The following NBAS variants were observed in gnomAD, a reference collection of about 807,000 sequenced individuals.
NBAS encodes the protein NBAS subunit of NRZ tethering complex.
In NBAS, 219 loss-of-function variants were observed where a neutral mutation model predicts 302.5. The observed-to-expected ratio is 0.72, with a 90% confidence interval of 0.65 to 0.81. NBAS has a LOEUF of 0.81. Among genes scored for constraint, NBAS ranks in the 30% least tolerant of loss-of-function variants. The pLI is 0.00. For missense variants in NBAS, 2,932 were observed against 2,841.6 expected, an observed-to-expected ratio of 1.03 and a Z score of -0.72; for synonymous variants, 1,118 against 1,021.6, an observed-to-expected ratio of 1.09 and a Z score of -1.80.
chr2:14,933,239 C>T, the NBAS span, among the ~76,000 whole-genome samples: 1 of 152,166 alleles, frequency 6.6e-6, no homozygotes, highest in African/African-American at 2.4e-5. Context: ...ATTCACCTTT[C>T]TTTTCCTAAT....
chr2:15,439,931 C>G (rs949445856), intron 21 of NBAS, among the ~76,000 whole-genome samples: 2 of 152,256 alleles, frequency 1.3e-5, no homozygotes, highest in Non-Finnish European at 1.5e-5. Flanking sequence ...GATCAAACCG[C>G]AAGGCGGCAG....
chr2:15,277,888 G>A (rs1669657082), intron 42 of NBAS, among the ~76,000 whole-genome samples: 1 of 152,154 alleles, frequency 6.6e-6, no homozygotes, highest in South Asian at 2.1e-4. Context: ...GACAGAGCCT[G>A]TGGTCTAGTG....
chr2:15,352,117 C>T (rs755729749), intron 34 of NBAS, 36 bp from the exon 35 acceptor site: 18 of 1,472,504 alleles, frequency 1.2e-5, no homozygotes, highest in Non-Finnish European at 1.6e-5. Context: ...AAAGGAGTTA[C>T]GTTTTTAAAT....
At chr2:14,998,661 ATG>A in the NBAS span, among the ~76,000 whole-genome samples, 1 of 152,210 alleles carries the variant, frequency 6.6e-6, no homozygotes, top group African/African-American at 2.4e-5. Flanking sequence ...CTAGACTTGT[ATG>A]TGAAGATAAG....
the NBAS span, among the ~76,000 whole-genome samples, chr2:14,938,697 C>A: frequency 1.5e-3 from 222 of 152,276 alleles, 1 homozygote; most frequent in Middle Eastern, 0.024. Flanking sequence ...ACCCATATAA[C>A]CTTCTTTAAC....
chr2:15,098,338 A>AC, the NBAS span, among the ~76,000 whole-genome samples: 61 of 36,168 alleles, frequency 1.7e-3, 27 homozygotes, highest in African/African-American at 1.8e-3. Context: ...TATATTGTAT[A>AC]TAATATATAA....
intron 2 of NBAS, among the ~76,000 whole-genome samples, 163 bp from the exon 3 acceptor site, chr2:15,556,982 A>G (rs183400221): frequency 3.9e-4 from 59 of 152,294 alleles, no homozygotes; most frequent in Admixed American, 7.8e-4. Flanking sequence ...AACCTAATAT[A>G]CACTGTAACA....
the NBAS span, among the ~76,000 whole-genome samples, chr2:15,148,114 GGGA>G: frequency 6.6e-6 from 1 of 152,170 alleles, no homozygotes; most frequent in Non-Finnish European, 1.5e-5. Context: ...CAACCAGACT[GGGA>G]GGAGGAGATT....
At chr2:15,416,972 A>G (rs976333750) in intron 24 of NBAS, among the ~76,000 whole-genome samples, 3 of 152,306 alleles carry the variant, frequency 2.0e-5, no homozygotes, top group African/African-American at 7.2e-5. Context: ...GCAAAAGACT[A>G]GAAAGAGCGT....
chr2:15,059,956 A>C, the NBAS span, among the ~76,000 whole-genome samples: 498 of 92,864 alleles, frequency 5.4e-3, 2 homozygotes, highest in Non-Finnish European at 7.2e-3. Flanking sequence ...CTAAAAAAAA[A>C]AAAAAAACAA....
At chr2:14,825,153 T>C in the NBAS span, among the ~76,000 whole-genome samples, 12 of 152,202 alleles carry the variant, frequency 7.9e-5, no homozygotes, top group Admixed American at 7.2e-4. Context: ...TTGCTGATTC[T>C]GCCACCTGAG....
chr2:15,557,790 G>T (rs1380143186), intron 2 of NBAS, among the ~76,000 whole-genome samples: 2 of 152,156 alleles, frequency 1.3e-5, no homozygotes, highest in African/African-American at 4.8e-5. Context: ...TTTCTGGTCT[G>T]ATAAAAGGAC....
At chr2:15,402,722 TTA>T (rs1045793194) in intron 25 of NBAS, among the ~76,000 whole-genome samples, 7 of 151,988 alleles carry the variant, frequency 4.6e-5, no homozygotes, top group African/African-American at 1.7e-4. Flanking sequence ...TCAGTAGGCA[TTA>T]TATATTACTC....
chr2:15,450,974 T>C (rs2148537909), intron 21 of NBAS, among the ~76,000 whole-genome samples: 1 of 152,322 alleles, frequency 6.6e-6, no homozygotes. Context: ...TATGAAACTA[T>C]ACCAACAGTA....
Position 15,323,940 on chromosome 2 carries a change from T to A in NBAS, c.4582+3810A>T, listed in dbSNP as rs537748806. On this transcript the variant is annotated intron_variant, in intron 38 of 51. Transcript: ENST00000281513. Reference sequence around the variant, plus strand: ...AAAAAAAAAAATCACCTACAACGGATTCTAGGGCCACAATATTTCTTAAAA... The same window carrying A: ...AAAAAAAAAAATCACCTACAACGGAATCTAGGGCCACAATATTTCTTAAAA... Among the ~76,000 whole-genome samples the A allele has an allele frequency of 3.9e-4, 58 of 147,658 alleles. 1 individual carries two copies. Among genetic ancestry groups the A allele is most frequent in the African/African-American group, 1.3e-3 (53 of 40,266 alleles).
intron 48 of NBAS, among the ~76,000 whole-genome samples, chr2:15,207,798 T>C (rs1039862953): frequency 2.0e-5 from 3 of 152,202 alleles, no homozygotes; most frequent in African/African-American, 4.8e-5. Context: ...TCCCAAGCCA[T>C]GCAGAACTGT....
chr2:15,134,056 T>TTCTCTCTC, the NBAS span, among the ~76,000 whole-genome samples: 2,258 of 145,656 alleles, frequency 0.016, 31 homozygotes, highest in Middle Eastern at 0.021. Context: ...GAACATTTCT[T>TTCTCTCTC]TCTCTCTCTC....
At chr2:14,836,959 A>G in the NBAS span, among the ~76,000 whole-genome samples, 1 of 151,806 alleles carries the variant, frequency 6.6e-6, no homozygotes, top group Non-Finnish European at 1.5e-5. Context: ...TTTCATGTGT[A>G]TTTTTATTAT....
chr2:14,855,006 G>A, the NBAS span, among the ~76,000 whole-genome samples: 1 of 152,066 alleles, frequency 6.6e-6, no homozygotes, highest in Non-Finnish European at 1.5e-5. Context: ...GGTTCCAAAA[G>A]AGACCCCTTC....
Sources: allele counts gnomAD v4.1 joint callset (sites outside exome capture counted in the v4.1 genomes callset), GRCh38; gene constraint gnomAD v4.1.1; transcripts MANE v1.5; gene names NCBI Gene and HGNC (gene_info 2026-07-23, HGNC 2026-07-21).